The following SEPTIN6 variants were observed in gnomAD, a reference collection of about 807,000 sequenced individuals.
SEPTIN6 encodes the protein septin 6.
SEPTIN6 carries 8 observed loss-of-function variants against 33.6 expected under a neutral mutation model. The observed-to-expected ratio is 0.24, with a 90% CI of 0.14 to 0.43. The LOEUF (loss-of-function observed/expected upper bound fraction) is 0.43, where lower values mean the gene tolerates loss of function less well. SEPTIN6 is among the 20% of genes least tolerant of loss of function. The pLI, the probability that SEPTIN6 is intolerant of heterozygous loss-of-function variation, is 1.00. For missense variants in SEPTIN6, 250 were observed against 340.8 expected, an observed-to-expected ratio of 0.73 and a Z score of 2.10; for synonymous variants, 131 against 140.0, an observed-to-expected ratio of 0.94 and a Z score of 0.45.
intron 9 of SEPTIN6, 85 bp downstream of exon 9, chrX:119,629,233 C>T: frequency 1.0e-6 from 1 of 974,862 alleles, no homozygotes; most frequent in East Asian, 3.1e-5. Context: ...CACCAGTCCT[C>T]AGCCCCTTCA....
chrX:119,620,071 C>T lies in SEPTIN6; in HGVS notation c.*42-20G>A, dbSNP rs754950109. 6.7e-5 allele frequency: 76 copies of T among 1,141,025 alleles called. No individual in the cohort carries two copies. The highest frequency in any genetic ancestry group is 8.8e-5 in the Non-Finnish European group (74 of 843,530). The allele number at this position is 1,141,025 out of a possible 1,213,427, so 94.0% of individuals were successfully genotyped here. ...CCCAAACTGAAAATGAAAAGAGAAG[C>T]TGAGTTAATGAATGGATAGATTAAT... On this transcript the variant is annotated intron_variant, in intron 10 of 10. Coordinates refer to ENST00000394610, the MANE Select transcript of SEPTIN6 (RefSeq NM_145799.4).
At chrX:119,616,195 C>G (rs756741301), downstream of SEPTIN6, 398 of 256,112 alleles carry the variant, frequency 1.6e-3, no homozygotes, top group Middle Eastern at 5.0e-3. Flanking sequence ...ATACATTTTC[C>G]CCCTTTGCTG....
intron 4 of SEPTIN6, among the ~76,000 whole-genome samples, chrX:119,651,964 G>A (rs747683363): frequency 7.1e-5 from 8 of 112,171 alleles, no homozygotes; most frequent in Non-Finnish European, 1.1e-4. Context: ...TGGCTGTGTC[G>A]CCCAGGCTGG....
At chrX:119,663,966 T>G (rs143169025) in intron 2 of SEPTIN6, among the ~76,000 whole-genome samples, 1 of 110,256 alleles carries the variant, frequency 9.1e-6, no homozygotes, top group Admixed American at 9.7e-5. Context: ...GTATACATTG[T>G]TTTTTTTGTT....
At chrX:119,648,479 T>A (rs755031692) in intron 5 of SEPTIN6, among the ~76,000 whole-genome samples, 2 of 111,666 alleles carry the variant, frequency 1.8e-5, no homozygotes, top group Non-Finnish European at 3.8e-5. Flanking sequence ...CTAGTTTCCA[T>A]CAAAATGCCC....
chrX:119,623,018 G>A (rs972413011), intron 10 of SEPTIN6, among the ~76,000 whole-genome samples: 2 of 112,008 alleles, frequency 1.8e-5, no homozygotes, highest in Admixed American at 9.5e-5. Context: ...TGGGCCTTAT[G>A]TTGCAGAAAC....
At position 119,619,755 on chromosome X, in the gene SEPTIN6, GGGCCCCCT is replaced by G; in HGVS notation, c.*330_*337del. 7.0e-6 allele frequency: 7 copies of G among 999,477 alleles called. No individual in the cohort carries two copies. Among genetic ancestry groups the G allele is most frequent in the Non-Finnish European group, 8.9e-6 (7 of 789,006 alleles). 82.4% of individuals were successfully genotyped at this position (999,477 alleles called of 1,213,427 possible). ...GAGCTGGTGGGAAAGAGTAGCAGAT[GGGCCCCCT>G]GACCATGTCACACCTCTGGCAAAGA... is the stretch of plus-strand genomic sequence containing the variant. On this transcript the variant is annotated 3_prime_UTR_variant, in exon 11 of 11. Transcript: ENST00000394610.
chrX:119,645,067 C>T (rs2054226622), intron 5 of SEPTIN6, among the ~76,000 whole-genome samples: 1 of 104,891 alleles, frequency 9.5e-6, no homozygotes, highest in Non-Finnish European at 2.0e-5. Context: ...GCCACCACGC[C>T]CAGCTAATGT....
chrX:119,624,144 G>GTTTTTTTTTTTTGTTTTTTTTT, intron 10 of SEPTIN6: 1 of 211,646 alleles, frequency 4.7e-6, no homozygotes, highest in South Asian at 4.4e-5. Flanking sequence ...TTTATTATGG[G>GTTTTTTTTTTTTGTTTTTTTTT]TTTTTTTTTT....
intron 1 of SEPTIN6, among the ~76,000 whole-genome samples, chrX:119,677,280 A>G (rs1349231900): frequency 1.8e-5 from 2 of 112,187 alleles, no homozygotes; most frequent in Admixed American, 1.9e-4. Context: ...TGATTTTACA[A>G]AACAGGAGGA....
At chrX:119,659,355 C>T (rs2147565573) in intron 3 of SEPTIN6, among the ~76,000 whole-genome samples, 1 of 111,653 alleles carries the variant, frequency 9.0e-6, no homozygotes, top group South Asian at 3.7e-4. Context: ...TCCATTCACT[C>T]AGCAATCACG....
intron 8 of SEPTIN6, among the ~76,000 whole-genome samples, chrX:119,630,239 A>G (rs1166657938): frequency 1.8e-5 from 2 of 112,587 alleles, no homozygotes; most frequent in African/African-American, 6.4e-5. Flanking sequence ...TTCCGTTATT[A>G]TCTCCATTTT....
At chrX:119,622,154 T>C (rs764516736) in intron 10 of SEPTIN6, among the ~76,000 whole-genome samples, 31 of 111,976 alleles carry the variant, frequency 2.8e-4, no homozygotes, top group Non-Finnish European at 5.3e-4. Flanking sequence ...TAAAAAACAC[T>C]GCAATGGCCT....
chrX:119,642,193 A>AAAG (rs2054169566), intron 5 of SEPTIN6, among the ~76,000 whole-genome samples: 1 of 109,484 alleles, frequency 9.1e-6, no homozygotes, highest in Admixed American at 9.9e-5. Context: ...AAAAAAAAAA[A>AAAG]AAAAGAAAAA....
chrX:119,663,525 C>T lies in SEPTIN6; in HGVS notation c.298G>A (p.Val100Ile), dbSNP rs138699101. 63 of 1,021,501 alleles carry T rather than the reference C, an allele frequency of 6.2e-5. No individual in the cohort carries two copies. The highest frequency in any genetic ancestry group is 5.3e-4 in the African/African-American group (26 of 49,443). The allele number at this position is 1,021,501 out of a possible 1,213,427, so 84.2% of individuals were successfully genotyped here. Residue 100 changes from valine (V) to isoleucine (I), a missense_variant, in exon 3 of 11, where the codon GTT becomes ATT. This residue lies in a region of SEPTIN6 where 111 missense variants were observed against 113.8 expected (regional missense o/e 0.98). Transcript: ENST00000394610. The stretch of plus-strand genomic sequence containing the variant: ...TGGTCCCCAAAGCCAACTGTGCTAA[C>T]GATCGTGAGCTTTAGCCTCACGTTG... ...ESNVRLKLTI[V>I]STVGFGDQIN...
chrX:119,635,921 A>C (rs2054053942), intron 7 of SEPTIN6, among the ~76,000 whole-genome samples: 1 of 111,737 alleles, frequency 8.9e-6, no homozygotes, highest in Non-Finnish European at 1.9e-5. Flanking sequence ...GGAGTGAAGA[A>C]GGCGAAGACA....
intron 9 of SEPTIN6, among the ~76,000 whole-genome samples, chrX:119,627,243 C>T (rs1366289364): frequency 3.6e-5 from 4 of 110,918 alleles, no homozygotes; most frequent in Non-Finnish European, 7.5e-5. Context: ...CACAGCTAAA[C>T]AGTCCACCTG....
At chrX:119,686,135 A>T (rs1458431876) in intron 1 of SEPTIN6, among the ~76,000 whole-genome samples, 1 of 112,067 alleles carries the variant, frequency 8.9e-6, no homozygotes, top group Non-Finnish European at 1.9e-5. Flanking sequence ...TCTGCTAAAA[A>T]AGAAAAGGTT....
chrX:119,660,222 A>G (rs753318503), intron 3 of SEPTIN6, among the ~76,000 whole-genome samples: 2 of 112,212 alleles, frequency 1.8e-5, no homozygotes, highest in Non-Finnish European at 3.8e-5. Context: ...GGCCTTAGTC[A>G]TTCCTCTTCC....
Sources: gnomAD v4.1 joint callset for allele counts (sites outside exome capture counted in the v4.1 genomes callset) on GRCh38, gnomAD v4.1.1 for gene constraint, gnomAD v4.1.1 regional missense constraint, MANE v1.5 for transcripts, NCBI Gene and HGNC (gene_info 2026-07-23, HGNC 2026-07-21) for gene names.